REC114: variants seen among roughly 807,000 people sequenced by gnomAD.
REC114 encodes meiotic recombination protein REC114.
REC114 carries 27 observed loss-of-function variants against 31.3 expected under a neutral mutation model. The observed-to-expected ratio is 0.86, with a 90% confidence interval of 0.64 to 1.19. The LOEUF is 1.19. Ranked by LOEUF, REC114 falls within the 50% of genes most tolerant of loss-of-function variation. The probability of loss-of-function intolerance (pLI) is 0.00; values close to 1 mark genes in which losing one functional copy is unlikely to be tolerated. For synonymous variants in REC114, 134 were observed against 127.7 expected (o/e 1.05, Z -0.33); for missense variants, 344 against 326.9 (o/e 1.05, Z -0.40).
At chr15:73,556,627 C>T (rs1894472246) in intron 5 of REC114, among the ~76,000 whole-genome samples, 1 of 152,064 alleles carries the variant, frequency 6.6e-6, no homozygotes, top group African/African-American at 2.4e-5. Context: ...ATCTACCCTC[C>T]TAAGGAAATA....
At chr15:73,548,870 T>A (rs1185801123) in intron 3 of REC114, among the ~76,000 whole-genome samples, 1 of 152,146 alleles carries the variant, frequency 6.6e-6, no homozygotes, top group East Asian at 1.9e-4. Context: ...ACATGAAATA[T>A]TTTTTGTAGA....
chr15:73,464,297 A>C lies in REC114; in HGVS notation c.160-9535A>C, dbSNP rs544034269. Among the ~76,000 whole-genome samples, 9 of 152,120 alleles carry C rather than the reference A, an allele frequency of 5.9e-5. No individual in the cohort carries two copies. In the South Asian group the frequency reaches 1.0e-3, roughly 18 times the overall value. ...AATAGTTTTAGCTTCAAGATTCTCA[A>C]GTGTGAATAATAATTATATTTATCA... On this transcript the variant is annotated intron_variant, in intron 1 of 5. Coordinates refer to ENST00000331090, the MANE Select transcript of REC114 (RefSeq NM_001042367.2).
chr15:73,519,438 C>G (rs1893905262), intron 2 of REC114, among the ~76,000 whole-genome samples: 1 of 152,296 alleles, frequency 6.6e-6, no homozygotes, highest in African/African-American at 2.4e-5. Context: ...CATAAACCAC[C>G]AGTGTATGAC....
At chr15:73,520,287 A>C (rs1287129623) in intron 2 of REC114, among the ~76,000 whole-genome samples, 2 of 151,874 alleles carry the variant, frequency 1.3e-5, no homozygotes, top group Non-Finnish European at 2.9e-5. Flanking sequence ...GCTGGAGTGC[A>C]GTGGCACAGT....
At chr15:73,492,908 C>G (rs918507275) in intron 2 of REC114, among the ~76,000 whole-genome samples, 4 of 152,198 alleles carry the variant, frequency 2.6e-5, no homozygotes, top group Non-Finnish European at 5.9e-5. Context: ...TGGATATCCT[C>G]TTTTGTGAAG....
chr15:73,458,314 G>T (rs1348334561), intron 1 of REC114, among the ~76,000 whole-genome samples: 1 of 152,090 alleles, frequency 6.6e-6, no homozygotes, highest in Admixed American at 6.6e-5. Context: ...TTTGCCAAAG[G>T]GTAACATAGG....
At chr15:73,486,159 G>A (rs572935960) in intron 2 of REC114, among the ~76,000 whole-genome samples, 52 of 152,128 alleles carry the variant, frequency 3.4e-4, no homozygotes, top group African/African-American at 1.0e-3. Context: ...GTGCGATGGC[G>A]CAATCTCGGC....
chr15:73,509,968 A>G (rs985876495), intron 2 of REC114, among the ~76,000 whole-genome samples: 1 of 151,808 alleles, frequency 6.6e-6, no homozygotes, highest in Non-Finnish European at 1.5e-5. Flanking sequence ...GTTTTTTCCA[A>G]TTCTGTGAAG....
intron 1 of REC114, among the ~76,000 whole-genome samples, chr15:73,444,008 ATTAAC>A (rs943577230): frequency 6.6e-6 from 1 of 152,172 alleles, no homozygotes; most frequent in African/African-American, 2.4e-5. Context: ...ACTGTAGTCT[ATTAAC>A]TTGTCTAAAA....
chr15:73,464,945 G>A (rs779726224), intron 1 of REC114, among the ~76,000 whole-genome samples: 29 of 152,088 alleles, frequency 1.9e-4, no homozygotes, highest in Non-Finnish European at 4.0e-4. Flanking sequence ...AGTCTGGAGT[G>A]CAATATTGCA....
chr15:73,469,984 T>C (rs1415293800), intron 1 of REC114, among the ~76,000 whole-genome samples: 1 of 152,198 alleles, frequency 6.6e-6, no homozygotes, highest in Non-Finnish European at 1.5e-5. Flanking sequence ...TATATATTTT[T>C]TCTATCCTTT....
At chr15:73,469,379 G>C (rs1893103131) in intron 1 of REC114, among the ~76,000 whole-genome samples, 1 of 152,076 alleles carries the variant, frequency 6.6e-6, no homozygotes, top group East Asian at 1.9e-4. Context: ...TGATATTCTT[G>C]TCTAATATTA....
intron 1 of REC114, among the ~76,000 whole-genome samples, chr15:73,466,875 C>T (rs1449994973): frequency 6.6e-6 from 1 of 152,160 alleles, no homozygotes; most frequent in African/African-American, 2.4e-5. Context: ...TTGGTCTTTA[C>T]AATCACTGTG....
rs116821605 is a variant in REC114, at chr15:73,501,377, G to A, written c.249+27456G>A. 6.1e-3 allele frequency among the ~76,000 whole-genome samples: 929 copies of A among 152,278 alleles called. 8 individuals are homozygous for A. Among genetic ancestry groups the A allele is most frequent in the African/African-American group, 0.021 (883 of 41,556 alleles). On this transcript the variant is annotated intron_variant, in intron 2 of 5. Coordinates refer to ENST00000331090, the MANE Select transcript of REC114 (RefSeq NM_001042367.2). ...GAAGGAAACGTGGTAAAAATAAAAA[G>A]CCATAGGAAGGTTCCAAATGGTGAT...
chr15:73,481,324 T>C (rs570247847), intron 2 of REC114, among the ~76,000 whole-genome samples: 1 of 152,324 alleles, frequency 6.6e-6, no homozygotes, highest in East Asian at 1.9e-4. Flanking sequence ...TTAAACTGCA[T>C]GCATGGTATC....
chr15:73,471,468 G>T (rs1378178877), intron 1 of REC114, among the ~76,000 whole-genome samples: 1 of 152,182 alleles, frequency 6.6e-6, no homozygotes, highest in Admixed American at 6.5e-5. Flanking sequence ...GCCTAGCACA[G>T]GGTAGGTACT....
At chr15:73,448,902 G>A (rs749469334) in intron 1 of REC114, among the ~76,000 whole-genome samples, 2 of 152,162 alleles carry the variant, frequency 1.3e-5, no homozygotes, top group African/African-American at 2.4e-5. Context: ...CAGAAGAGGG[G>A]CCTGACTGTT....
intron 5 of REC114, among the ~76,000 whole-genome samples, chr15:73,557,311 T>TC (rs990904983): frequency 1.3e-5 from 2 of 150,298 alleles, no homozygotes; most frequent in African/African-American, 4.9e-5. Context: ...CTCAAGTGAT[T>TC]CCCCCACCTT....
At position 73,551,158 on chromosome 15, in the gene REC114, G is replaced by A; in HGVS notation, c.546+8G>A. 4 of 1,590,480 alleles carry A rather than the reference G, an allele frequency of 2.5e-6. No individual in the cohort carries two copies. Among genetic ancestry groups the A allele is most frequent in the Non-Finnish European group, 3.4e-6 (4 of 1,168,304 alleles). ...GTCCCACGGCAGCCTGGAGTAAGTA[G>A]GCTGATGTGTTGGTTATACAGGAAA... On this transcript the variant is annotated splice_region_variant and intron_variant, in intron 4 of 5. Transcript: ENST00000331090.
Sources: allele counts gnomAD v4.1 joint callset (sites outside exome capture counted in the v4.1 genomes callset), GRCh38; gene constraint gnomAD v4.1.1; transcripts MANE v1.5; gene names NCBI Gene and HGNC (gene_info 2026-07-23, HGNC 2026-07-21).